The following NRXN1 variants were observed in gnomAD, a reference collection of about 807,000 sequenced individuals.
NRXN1 encodes the protein neurexin-1.
In NRXN1, 39 loss-of-function variants were observed where a neutral mutation model predicts 150.9. The observed-to-expected ratio is 0.26, with a 90% CI of 0.20 to 0.34. The LOEUF (loss-of-function observed/expected upper bound fraction) is 0.34. NRXN1 is among the 10% of genes least tolerant of loss of function. The pLI is 1.00. For synonymous variants in NRXN1, 924 were observed against 757.0 expected (o/e 1.22, Z -3.62); for missense variants, 1,815 against 1,949.9 (o/e 0.93, Z 1.30).
At position 50,788,491 on chromosome 2, in the gene NRXN1, G is replaced by C. The variant is rs959591039; in HGVS notation, c.832+133378C>G. ...TTGTTTCCATGAGTCTGACGCTTCT[G>C]GACAAGGACAAGGTCATCAGTTTTG... On this transcript the variant is annotated intron_variant, in intron 5 of 22. Transcript: ENST00000401669. Among the ~76,000 whole-genome samples, 5 of 151,948 alleles carry C rather than the reference G, an allele frequency of 3.3e-5. No individual in the cohort carries two copies. The Admixed American group carries it at 3.3e-4, about 10-fold the overall frequency.
chr2:50,260,967 G>C (rs2068209029), intron 17 of NRXN1, among the ~76,000 whole-genome samples: 1 of 151,500 alleles, frequency 6.6e-6, no homozygotes, highest in South Asian at 2.1e-4. Flanking sequence ...AATGAATTTT[G>C]TACAGTCTTC....
At chr2:50,107,145 T>A (rs1055759385) in intron 18 of NRXN1, among the ~76,000 whole-genome samples, 2 of 151,916 alleles carry the variant, frequency 1.3e-5, no homozygotes, top group Non-Finnish European at 2.9e-5. Flanking sequence ...GCATTCCACA[T>A]ACAGATTAGC....
chr2:50,832,946 T>C (rs958298583), intron 5 of NRXN1, among the ~76,000 whole-genome samples: 2 of 152,206 alleles, frequency 1.3e-5, no homozygotes, highest in Non-Finnish European at 2.9e-5. Flanking sequence ...ATTCAGACTA[T>C]ATAAGGAATT....
chr2:50,945,937 G>A (rs1690302861), intron 2 of NRXN1, among the ~76,000 whole-genome samples: 1 of 145,852 alleles, frequency 6.9e-6, no homozygotes, highest in African/African-American at 2.5e-5. Flanking sequence ...TACTTGTAAA[G>A]TATTATTATT....
At chr2:51,026,156 CAA>C (rs781271639) in intron 2 of NRXN1, among the ~76,000 whole-genome samples, 1 of 152,182 alleles carries the variant, frequency 6.6e-6, no homozygotes, top group East Asian at 1.9e-4. Flanking sequence ...CAGCAAAAAT[CAA>C]AGACATTATA....
intron 17 of NRXN1, among the ~76,000 whole-genome samples, chr2:50,311,134 A>G (rs1032994359): frequency 1.3e-5 from 2 of 152,194 alleles, no homozygotes; most frequent in East Asian, 1.9e-4. Context: ...CTTCTATTAG[A>G]TAGGGTTTTA....
At chr2:50,472,765 C>T (rs2089630728) in intron 15 of NRXN1, among the ~76,000 whole-genome samples, 1 of 149,768 alleles carries the variant, frequency 6.7e-6, no homozygotes, top group African/African-American at 2.5e-5. Flanking sequence ...CGTGGAAATC[C>T]AGGCCTGGTT....
At chr2:50,139,562 T>C (rs1706956460) in intron 18 of NRXN1, among the ~76,000 whole-genome samples, 1 of 152,092 alleles carries the variant, frequency 6.6e-6, no homozygotes, top group Admixed American at 6.6e-5. Context: ...GATAAATTAG[T>C]AGCTTACCAG....
intron 8 of NRXN1, among the ~76,000 whole-genome samples, chr2:50,597,193 G>A (rs12713117): frequency 0.28 from 41,902 of 151,894 alleles, 5,991 homozygotes; most frequent in East Asian, 0.51. Context: ...TTGTCTTGAG[G>A]AGGGACATGG....
At chr2:50,006,655 A>T (rs1684813735) in intron 21 of NRXN1, among the ~76,000 whole-genome samples, 1 of 152,202 alleles carries the variant, frequency 6.6e-6, no homozygotes, top group African/African-American at 2.4e-5. Flanking sequence ...AAACAAATGA[A>T]ATGCCTCTTC....
chr2:50,026,854 C>CTTT (rs1558721512), intron 21 of NRXN1, among the ~76,000 whole-genome samples: 1 of 49,132 alleles, frequency 2.0e-5, no homozygotes, highest in Non-Finnish European at 3.6e-5. Context: ...TAAGTCTTTT[C>CTTT]TTTTCTTTTT....
intron 2 of NRXN1, among the ~76,000 whole-genome samples, chr2:50,976,518 A>G (rs748822845): frequency 5.3e-5 from 8 of 152,048 alleles, no homozygotes; most frequent in African/African-American, 9.7e-5. Flanking sequence ...CACACAACTT[A>G]AACACATGAA....
In NRXN1 at chr2:51,027,594, A is replaced by G. The variant is rs780719425; in HGVS notation, c.680T>C (p.Val227Ala). Residue 227 changes from valine to alanine, a missense_variant, in exon 2 of 23, where the codon GTG becomes GCG. Coordinates refer to ENST00000401669, the MANE Select transcript of NRXN1 (RefSeq NM_001330078.2). ...GGAGCACACACCTCCGTTGAGGCAC[A>G]CCCCGCCCTCGCCCTCCTCGCCCGC... ...CEAGEEGEGG[V>A]CLNGGVCSVV... is the part of the protein sequence containing the mutation. The G allele has an allele frequency of 6.2e-7, 1 of 1,603,718 alleles. No individual in the cohort carries two copies. The highest frequency in any genetic ancestry group is 8.5e-7 in the Non-Finnish European group (1 of 1,175,076).
intron 5 of NRXN1, among the ~76,000 whole-genome samples, chr2:50,880,763 G>A (rs946848685): frequency 1.3e-5 from 2 of 151,922 alleles, no homozygotes; most frequent in Non-Finnish European, 2.9e-5. Flanking sequence ...TGGAACCCAG[G>A]TCTATAGAAA....
chr2:50,634,951 C>A (rs1405129513), intron 5 of NRXN1, among the ~76,000 whole-genome samples: 1 of 152,118 alleles, frequency 6.6e-6, no homozygotes, highest in Non-Finnish European at 1.5e-5. Flanking sequence ...GAGAGAAATT[C>A]ATCTGTCTCA....
At chr2:50,158,259 C>G (rs1049093151) in intron 18 of NRXN1, among the ~76,000 whole-genome samples, 1 of 151,468 alleles carries the variant, frequency 6.6e-6, no homozygotes, top group Non-Finnish European at 1.5e-5. Flanking sequence ...TTCATCAGAG[C>G]CCACAGGATG....
At chr2:50,377,660 T>G (rs893817887) in intron 17 of NRXN1, among the ~76,000 whole-genome samples, 2 of 152,164 alleles carry the variant, frequency 1.3e-5, no homozygotes, top group Non-Finnish European at 2.9e-5. Context: ...CAGATCTCAG[T>G]TCCTACCTTG....
intron 5 of NRXN1, among the ~76,000 whole-genome samples, chr2:50,649,540 G>T (rs967875294): frequency 1.3e-5 from 2 of 151,942 alleles, no homozygotes; most frequent in South Asian, 2.1e-4. Context: ...CATTAGCTTA[G>T]TGAGATTGGT....
chr2:50,347,024 G>T lies in NRXN1; in HGVS notation c.3365-110054C>A. On this transcript the variant is annotated intron_variant, in intron 17 of 22. Coordinates refer to ENST00000401669, the MANE Select transcript of NRXN1 (RefSeq NM_001330078.2). The surrounding 1 kb of genome is among the most constrained non-coding windows in gnomAD (Gnocchi z 4.9). Reference sequence around the variant, plus strand: ...CGCGGGGAGAGGAGAGGGCGCAGGGGAGCGGGCGGCGCGGAGTGGGCTGAG... The same window carrying T: ...CGCGGGGAGAGGAGAGGGCGCAGGGTAGCGGGCGGCGCGGAGTGGGCTGAG... The T allele has an allele frequency of 1.4e-6, 2 of 1,383,804 alleles. No homozygotes were observed. The highest frequency in any genetic ancestry group is 2.6e-5 in the South Asian group (2 of 77,886). 85.7% of individuals were successfully genotyped at this position (1,383,804 alleles called of 1,614,324 possible). A position where few individuals can be genotyped will look rare whatever the true frequency, so the allele number is the denominator to read the frequency against.
Sources: allele counts gnomAD v4.1 joint callset (sites outside exome capture counted in the v4.1 genomes callset), GRCh38; gene constraint gnomAD v4.1.1; non-coding constraint Gnocchi (gnomAD v3.1); transcripts MANE v1.5; gene names NCBI Gene and HGNC (gene_info 2026-07-23, HGNC 2026-07-21).